The following KAZN variants were observed in gnomAD, a reference collection of about 807,000 sequenced individuals.
KAZN encodes kazrin, periplakin interacting protein.
KAZN carries 40 observed loss-of-function variants against 87.4 expected under a neutral mutation model. The ratio of observed to expected loss-of-function variants is 0.46; its 90% CI spans 0.36 to 0.60. The LOEUF is 0.60. Among genes scored for constraint, KAZN ranks in the 20% least tolerant of loss-of-function variants. The probability of loss-of-function intolerance (pLI) is 0.00; values close to 1 mark genes in which losing one functional copy is unlikely to be tolerated. For missense variants in KAZN, 898 were observed against 1,073.9 expected (o/e 0.84, Z 2.29); for synonymous variants, 466 against 458.3 (o/e 1.02, Z -0.22).
chr1:14,175,250 C>T (rs1646046377), intron 1 of KAZN, among the ~76,000 whole-genome samples: 1 of 152,194 alleles, frequency 6.6e-6, no homozygotes, highest in African/African-American at 2.4e-5. Flanking sequence ...ACTACAGGCG[C>T]CTGCCACTAC....
intron 1 of KAZN, among the ~76,000 whole-genome samples, chr1:14,921,339 G>A (rs1295113699): frequency 2.6e-5 from 4 of 152,146 alleles, no homozygotes; most frequent in Non-Finnish European, 5.9e-5. Flanking sequence ...TGACGGTAGC[G>A]GTGAAATGGT....
chr1:14,633,884 C>CTCTA (rs1553200360), intron 1 of KAZN, among the ~76,000 whole-genome samples: 144 of 150,028 alleles, frequency 9.6e-4, no homozygotes, highest in African/African-American at 3.4e-3. Context: ...CTCTCTCTCT[C>CTCTA]TATATATATA....
intron 1 of KAZN, among the ~76,000 whole-genome samples, chr1:14,636,923 G>A (rs555463488): frequency 1.3e-5 from 2 of 152,314 alleles, no homozygotes; most frequent in East Asian, 3.9e-4. Context: ...TGATGTGTTG[G>A]AGGGGAAATT....
rs72870367 is a variant in KAZN at position 14,875,823 on chromosome 1, A to G, written c.227-84861A>G. Among the ~76,000 whole-genome samples, 516 of 152,352 alleles carry G rather than the reference A, an allele frequency of 3.4e-3. 3 individuals carry two copies. Among genetic ancestry groups the G allele is most frequent in the African/African-American group, 0.012 (489 of 41,582 alleles). On this transcript the variant is annotated intron_variant, in intron 1 of 14. Coordinates refer to ENST00000376030, the MANE Select transcript of KAZN (RefSeq NM_201628.3). ...CTGCCTGTTGCCTTCACTATCAAGA[A>G]AGAGGTTTTCTGAGATCAATCTGAA...
At chr1:14,234,090 A>T (rs932816184) in intron 2 of KAZN, among the ~76,000 whole-genome samples, 7 of 152,192 alleles carry the variant, frequency 4.6e-5, no homozygotes, top group African/African-American at 1.7e-4. Flanking sequence ...CTATAAAGAC[A>T]CATGCACACG....
chr1:14,847,310 G>A (rs1050065968), intron 1 of KAZN, among the ~76,000 whole-genome samples: 12 of 152,158 alleles, frequency 7.9e-5, no homozygotes, highest in Non-Finnish European at 1.6e-4. Flanking sequence ...GCTCAGGGGC[G>A]ACAGTGGCCA....
intron 1 of KAZN, among the ~76,000 whole-genome samples, chr1:13,921,418 CTG>C (rs889884836): frequency 2.6e-5 from 4 of 152,122 alleles, no homozygotes; most frequent in Non-Finnish European, 5.9e-5. Context: ...ATGAATGTGG[CTG>C]TGTTTCAATA....
At chr1:14,538,435 G>A (rs1033924501) in intron 2 of KAZN, among the ~76,000 whole-genome samples, 22 of 152,208 alleles carry the variant, frequency 1.4e-4, no homozygotes, top group African/African-American at 5.3e-4. Context: ...TTTTCTTACA[G>A]TTGTGGAGGC....
chr1:15,106,587 G>A (rs1200398721), intron 13 of KAZN, among the ~76,000 whole-genome samples: 2 of 152,102 alleles, frequency 1.3e-5, no homozygotes, highest in African/African-American at 4.8e-5. Flanking sequence ...ATGTTGTGGT[G>A]GGGCAGGGAC....
upstream of KAZN, among the ~76,000 whole-genome samples, chr1:14,594,960 G>A (rs1171619852): frequency 6.6e-6 from 1 of 151,986 alleles, no homozygotes; most frequent in Non-Finnish European, 1.5e-5. Context: ...GTCTGGCCAA[G>A]ATGGTGAAAC....
intron 2 of KAZN, among the ~76,000 whole-genome samples, chr1:14,329,325 G>T (rs1381268912): frequency 6.6e-6 from 1 of 152,092 alleles, no homozygotes; most frequent in Non-Finnish European, 1.5e-5. Flanking sequence ...TAGAGAAAGG[G>T]GCTGAGGTCA....
At chr1:14,258,099 T>A (rs1650695043) in intron 2 of KAZN, among the ~76,000 whole-genome samples, 1 of 151,380 alleles carries the variant, frequency 6.6e-6, no homozygotes, top group South Asian at 2.1e-4. Flanking sequence ...GAGGAGAGCC[T>A]GAGACCCTTC....
intron 1 of KAZN, among the ~76,000 whole-genome samples, chr1:13,956,991 G>T (rs1299866486): frequency 6.6e-6 from 1 of 152,202 alleles, no homozygotes; most frequent in Non-Finnish European, 1.5e-5. Flanking sequence ...AGGGCATGAT[G>T]AGGCTGGGGA....
Position 14,532,044 on chromosome 1 carries a change from C to T in KAZN, c.250-66939C>T, listed in dbSNP as rs184781382. On this transcript the variant is annotated intron_variant, in intron 2 of 16. Coordinates refer to the KAZN transcript ENST00000636203. ...GTGCTCTTTTTTCATAGAATGGATT[C>T]CCGGCTTAAGACAAAAGAAGTTGGA... 1.8e-4 allele frequency among the ~76,000 whole-genome samples: 27 copies of T among 152,142 alleles called. 1 individual carries two copies. The highest frequency in any genetic ancestry group is 5.8e-4 in the African/African-American group (24 of 41,514).
At position 14,640,584 on chromosome 1, in the gene KAZN, A is replaced by C. The variant is rs554869119; in HGVS notation, c.226+41361A>C. ...GTCTTAGTTCTTTCCAGAAGTACTCATCCAGCACTCTGCAGGGTCCTTAGC... is the reference window on the plus strand; with the variant it reads ...GTCTTAGTTCTTTCCAGAAGTACTCCTCCAGCACTCTGCAGGGTCCTTAGC... On this transcript the variant is annotated intron_variant, in intron 1 of 14. Coordinates refer to ENST00000376030, the MANE Select transcript of KAZN (RefSeq NM_201628.3). Among the ~76,000 whole-genome samples, 4 of 152,288 alleles carry C rather than the reference A, an allele frequency of 2.6e-5. No individual in the cohort carries two copies. The East Asian group carries it at 7.7e-4, about 29-fold the overall frequency.
chr1:14,302,602 T>C (rs1387337244), intron 2 of KAZN, among the ~76,000 whole-genome samples: 1 of 152,206 alleles, frequency 6.6e-6, no homozygotes, highest in Admixed American at 6.5e-5. Flanking sequence ...ATCATTTTTG[T>C]TGGACTCCAT....
chr1:15,100,971 C>A (rs1641034219), intron 10 of KAZN, among the ~76,000 whole-genome samples: 1 of 152,074 alleles, frequency 6.6e-6, no homozygotes, highest in South Asian at 2.1e-4. Context: ...GCTGTGGAGG[C>A]CCCCAGGGAA....
rs1041444185 is a variant in KAZN at position 15,099,910 on chromosome 1, G to A, written c.1548-1633G>A. 3.0e-4 allele frequency among the ~76,000 whole-genome samples: 46 copies of A among 152,306 alleles called. No homozygotes were observed. The highest frequency in any genetic ancestry group is 1.9e-4 in the East Asian group (1 of 5,184). On this transcript the variant is annotated intron_variant, in intron 10 of 14. Transcript: ENST00000376030. The surrounding 1 kb of genome is among the most constrained non-coding windows in gnomAD (Gnocchi z 5.4). ...GATGCACTGACCAGAGTGACCGACA[G>A]ACAAGGACGGGCTATCAGCTTGGGA...
intron 1 of KAZN, among the ~76,000 whole-genome samples, chr1:14,737,104 G>T (rs1480495054): frequency 1.3e-5 from 2 of 152,338 alleles, no homozygotes; most frequent in East Asian, 3.9e-4. Context: ...ACAACTTTAA[G>T]TTGGGAGATC....
Sources: allele counts gnomAD v4.1 joint callset (sites outside exome capture counted in the v4.1 genomes callset), GRCh38; gene constraint gnomAD v4.1.1; non-coding constraint Gnocchi (gnomAD v3.1); transcripts MANE v1.5; gene names NCBI Gene and HGNC (gene_info 2026-07-23, HGNC 2026-07-21).